The following SPAG9 variants were observed in gnomAD, a reference collection of about 807,000 sequenced individuals.
SPAG9 encodes the protein sperm associated antigen 9.
SPAG9 carries 35 observed loss-of-function variants against 166.5 expected under a neutral mutation model. The observed-to-expected ratio is 0.21, with a 90% confidence interval of 0.16 to 0.28. SPAG9 has a LOEUF of 0.28. SPAG9 is among the 10% of genes least tolerant of loss of function. The pLI, the probability that SPAG9 is intolerant of heterozygous loss-of-function variation, is 1.00. For missense variants in SPAG9, 1,235 were observed against 1,603.3 expected, an observed-to-expected ratio of 0.77 and a Z score of 3.92; for synonymous variants, 534 against 565.5, an observed-to-expected ratio of 0.94 and a Z score of 0.79.
At chr17:50,969,057 T>C (rs1489520752) in intron 29 of SPAG9, among the ~76,000 whole-genome samples, 1 of 151,930 alleles carries the variant, frequency 6.6e-6, no homozygotes, top group Non-Finnish European at 1.5e-5. Flanking sequence ...CTCAGCCTCC[T>C]GAATAGCTGG....
intron 1 of SPAG9, among the ~76,000 whole-genome samples, chr17:51,099,433 CA>C (rs34069450): frequency 3.3e-3 from 247 of 75,512 alleles, no homozygotes; most frequent in African/African-American, 6.6e-3. Flanking sequence ...AACTCTGTCT[CA>C]AAAAAAAAAA....
chr17:51,009,776 T>A (rs2045387325), intron 9 of SPAG9, among the ~76,000 whole-genome samples: 1 of 152,078 alleles, frequency 6.6e-6, no homozygotes, highest in Admixed American at 6.6e-5. Flanking sequence ...TGCCTTTGAG[T>A]CTGCATGAGA....
At chr17:50,991,156 C>A (rs922770003) in intron 19 of SPAG9, among the ~76,000 whole-genome samples, 1 of 151,958 alleles carries the variant, frequency 6.6e-6, no homozygotes, top group Non-Finnish European at 1.5e-5. Context: ...ATCCACCAAC[C>A]TCAGACAAGT....
intron 24 of SPAG9, among the ~76,000 whole-genome samples, chr17:50,983,202 T>G (rs1007061122): frequency 6.6e-6 from 1 of 152,230 alleles, no homozygotes; most frequent in Admixed American, 6.5e-5. Flanking sequence ...AAAGCAGCCA[T>G]TCTATTTTCA....
intron 1 of SPAG9, among the ~76,000 whole-genome samples, chr17:51,081,573 G>A (rs530667488): frequency 1.6e-4 from 25 of 151,672 alleles, no homozygotes; most frequent in Non-Finnish European, 3.5e-4. Context: ...GAGAAACCCC[G>A]TCTCTACTAA....
intron 4 of SPAG9, 65 bp from the exon 5 acceptor site, chr17:51,041,716 T>C (rs931323675): frequency 2.0e-6 from 3 of 1,483,844 alleles, no homozygotes; most frequent in South Asian, 2.3e-5. Context: ...GCCATGACTA[T>C]AAGTAATAAG....
chr17:51,022,458 C>A (rs944801031), intron 6 of SPAG9, among the ~76,000 whole-genome samples: 4 of 151,934 alleles, frequency 2.6e-5, no homozygotes, highest in Non-Finnish European at 5.9e-5. Context: ...AATTTGTGTA[C>A]AATGTATTTC....
intron 2 of SPAG9, among the ~76,000 whole-genome samples, chr17:51,070,234 G>A (rs1447637369): frequency 6.6e-6 from 1 of 152,120 alleles, no homozygotes; most frequent in East Asian, 1.9e-4. Context: ...GTAAATCCAA[G>A]GAGCCTGAGG....
chr17:50,971,341 C>T (rs999888925), intron 28 of SPAG9, among the ~76,000 whole-genome samples: 4 of 134,178 alleles, frequency 3.0e-5, no homozygotes, highest in Non-Finnish European at 6.4e-5. Flanking sequence ...AACAAACAAA[C>T]AAAACCCAAT....
chr17:51,079,507 G>A, intron 2 of SPAG9, 77 bp downstream of exon 2: 8 of 1,430,858 alleles, frequency 5.6e-6, no homozygotes, highest in African/African-American at 1.4e-5. Context: ...CCAAAGTGCT[G>A]GGATTACAGG....
At chr17:51,051,482 G>A (rs1009836563) in intron 3 of SPAG9, among the ~76,000 whole-genome samples, 1 of 152,218 alleles carries the variant, frequency 6.6e-6, no homozygotes, top group Non-Finnish European at 1.5e-5. Context: ...CACTTCGGAA[G>A]GCCGGGACGG....
intron 2 of SPAG9, among the ~76,000 whole-genome samples, chr17:51,071,093 C>A (rs1213785759): frequency 2.0e-5 from 3 of 152,090 alleles, no homozygotes; most frequent in Non-Finnish European, 4.4e-5. Flanking sequence ...ACTATGATTT[C>A]TTTAACCACA....
At chr17:50,991,127 G>T (rs763098907) in intron 19 of SPAG9, among the ~76,000 whole-genome samples, 29 of 151,584 alleles carry the variant, frequency 1.9e-4, no homozygotes, top group South Asian at 4.2e-4. Flanking sequence ...GGCTGGTCTT[G>T]AACTCCTGGC....
At chr17:51,108,958 G>A (rs1283587502) in intron 1 of SPAG9, among the ~76,000 whole-genome samples, 1 of 151,730 alleles carries the variant, frequency 6.6e-6, no homozygotes, top group East Asian at 1.9e-4. Context: ...AGCCTCCTGG[G>A]TTCAAGCGAT....
intron 9 of SPAG9, among the ~76,000 whole-genome samples, chr17:51,008,512 G>C (rs183845782): frequency 1.3e-5 from 2 of 151,996 alleles, no homozygotes; most frequent in Admixed American, 1.3e-4. Context: ...TCTTTCTAAA[G>C]AAAACTACAT....
At position 50,993,851 on chromosome 17, in the gene SPAG9, G is replaced by C; in HGVS notation, c.2311C>G (p.Leu771Val). 1 of 1,614,152 alleles carries C rather than the reference G, an allele frequency of 6.2e-7. No homozygotes were observed. The highest frequency in any genetic ancestry group is 1.1e-5 in the South Asian group (1 of 91,076). The change falls in exon 19 of 30, where the codon CTT (leucine) becomes GTT (valine). Residue 771 changes from leucine to valine, a missense_variant. Physicochemically the swap from Leu to Val is conservative, Grantham distance 32. Transcript: ENST00000262013. ...CTSTHSATKV[L>V]IIDAVQPGNI... Reference sequence around the variant, plus strand: ...CCAGGTTGAACAGCATCAATAATAAGAACTTTTGTAGCCGAATGAGTGCTG... The same window carrying C: ...CCAGGTTGAACAGCATCAATAATAACAACTTTTGTAGCCGAATGAGTGCTG...
intron 1 of SPAG9, among the ~76,000 whole-genome samples, chr17:51,082,798 G>A (rs2048201875): frequency 6.6e-6 from 1 of 152,110 alleles, no homozygotes; most frequent in African/African-American, 2.4e-5. Context: ...CACTGCAGAG[G>A]ACATGGGTTT....
chr17:50,970,643 C>A (rs1973714108), intron 29 of SPAG9, 64 bp downstream of exon 29: 1,223 of 1,320,286 alleles, frequency 9.3e-4, no homozygotes, highest in East Asian at 2.5e-3. Flanking sequence ...TTCTTATTTA[C>A]TTTGGGACAA....
intron 8 of SPAG9, 153 bp from the exon 9 acceptor site, chr17:51,014,506 T>A: frequency 1.7e-6 from 1 of 579,964 alleles, no homozygotes; most frequent in Non-Finnish European, 2.8e-6. Context: ...CTCAAAGGCT[T>A]CCTAAGAAAT....
Sources: gnomAD v4.1 joint callset for allele counts (sites outside exome capture counted in the v4.1 genomes callset) on GRCh38, gnomAD v4.1.1 for gene constraint, MANE v1.5 for transcripts, NCBI Gene and HGNC (gene_info 2026-07-23, HGNC 2026-07-21) for gene names.